FARSB: variants seen among roughly 807,000 people sequenced by gnomAD.
FARSB encodes the protein phenylalanine--tRNA ligase beta subunit.
FARSB carries 40 observed loss-of-function variants against 69.6 expected under a neutral mutation model. That is an observed-to-expected ratio of 0.57 (90% CI 0.45 to 0.75). The LOEUF is 0.75. Ranked by LOEUF, FARSB falls within the 30% of genes least tolerant of loss-of-function variation. The pLI, the probability that FARSB is intolerant of heterozygous loss-of-function variation, is 0.00. For missense variants in FARSB, 632 were observed against 722.9 expected (o/e 0.87, Z 1.44); for synonymous variants, 235 against 247.2 (o/e 0.95, Z 0.46).
Position 222,599,949 on chromosome 2 carries a change from AT to A in FARSB, c.1596del (p.Tyr533MetfsTer2). 6.2e-7 allele frequency: 1 copy of A among 1,601,598 alleles called. No individual in the cohort carries two copies. The highest frequency in any genetic ancestry group is 8.5e-7 in the Non-Finnish European group (1 of 1,177,062). On this transcript the variant is annotated frameshift_variant, in exon 16 of 17. Coordinates refer to ENST00000281828, the MANE Select transcript of FARSB (RefSeq NM_005687.5). LOFTEE classifies it high-confidence loss of function. ...LDVPPGEDKG[G>X]YVIKASEGPA... ...TTACCTTCTGATGCTTTGATCACAT[AT>A]CCCCCCTTGTCTTCACCAGGAGGCA...
chr2:222,629,842 G>T (rs759005204), intron 9 of FARSB, among the ~76,000 whole-genome samples: 6 of 152,136 alleles, frequency 3.9e-5, no homozygotes, highest in African/African-American at 7.2e-5. Flanking sequence ...CCAGACTCAA[G>T]CAATCCTCCT....
intron 16 of FARSB, among the ~76,000 whole-genome samples, chr2:222,589,508 C>T (rs1690207905): frequency 1.3e-5 from 2 of 150,424 alleles, no homozygotes; most frequent in South Asian, 4.1e-4. Flanking sequence ...CCAAAATAGA[C>T]AAATGGTATC....
At chr2:222,581,717 C>T (rs1044725874) in intron 16 of FARSB, among the ~76,000 whole-genome samples, 4 of 152,160 alleles carry the variant, frequency 2.6e-5, no homozygotes, top group African/African-American at 9.7e-5. Flanking sequence ...TTGACAGCCA[C>T]ACTACATAGA....
intron 2 of FARSB, among the ~76,000 whole-genome samples, chr2:222,647,552 T>G (rs2106243662): frequency 6.6e-6 from 1 of 152,300 alleles, no homozygotes; most frequent in East Asian, 1.9e-4. Context: ...TAGAACTTAT[T>G]AGCTGGGCTG....
Position 222,628,897 on chromosome 2 carries a change from A to C in FARSB, c.849-9T>G, listed in dbSNP as rs1487496063. ...CTTCAGCAGCTTCGACCCTGAAAAC[A>C]AAAGCCAGAAATAAAATACTTAAGA... On this transcript the variant is annotated splice_polypyrimidine_tract_variant and intron_variant, in intron 9 of 16. Transcript: ENST00000281828. The C allele has an allele frequency of 3.1e-6, 5 of 1,604,974 alleles. No homozygotes were observed. The highest frequency in any genetic ancestry group is 4.3e-6 in the Non-Finnish European group (5 of 1,173,540).
rs141597539 is a variant in FARSB, at chr2:222,653,339, C to T, written c.58+2677G>A. Among the ~76,000 whole-genome samples the T allele has an allele frequency of 8.0e-5, 12 of 150,832 alleles. No individual in the cohort carries two copies. In the East Asian group the frequency reaches 1.2e-3, roughly 15 times the overall value. ...AAACAATGGAATTTCAAATAGAAAG[C>T]AACCCTTGGAGGGACTAAAGAGAGA... On this transcript the variant is annotated intron_variant, in intron 1 of 16. Transcript: ENST00000281828.
chr2:222,579,780 T>C (rs1689922825), intron 16 of FARSB, among the ~76,000 whole-genome samples: 1 of 152,238 alleles, frequency 6.6e-6, no homozygotes, highest in Non-Finnish European at 1.5e-5. Context: ...AAACCCAGTC[T>C]GTAGCTCATC....
At chr2:222,634,348 A>T in intron 6 of FARSB, 43 bp downstream of exon 6, 2 of 1,412,396 alleles carry the variant, frequency 1.4e-6, no homozygotes, top group Middle Eastern at 1.9e-4. Context: ...ATGGAATTTC[A>T]TGATTTTTGC....
intron 15 of FARSB, among the ~76,000 whole-genome samples, chr2:222,607,974 C>A (rs1224909116): frequency 6.6e-6 from 1 of 150,994 alleles, no homozygotes; most frequent in Non-Finnish European, 1.5e-5. Flanking sequence ...AAAAAAAAAA[C>A]ACAATATTCA....
At chr2:222,649,461 A>G (rs1023511900) in intron 1 of FARSB, among the ~76,000 whole-genome samples, 12 of 152,226 alleles carry the variant, frequency 7.9e-5, no homozygotes, top group Admixed American at 4.6e-4. Flanking sequence ...AGAATGTCAC[A>G]TAAGTCCTAT....
At chr2:222,589,991 T>A (rs1486836315) in intron 16 of FARSB, among the ~76,000 whole-genome samples, 5 of 152,186 alleles carry the variant, frequency 3.3e-5, no homozygotes, top group Non-Finnish European at 2.9e-5. Context: ...GAAATACCAT[T>A]TGACCCAGCA....
intron 2 of FARSB, among the ~76,000 whole-genome samples, chr2:222,647,505 T>C (rs536975458): frequency 4.6e-5 from 7 of 152,340 alleles, no homozygotes; most frequent in African/African-American, 7.2e-5. Context: ...CTCAGCTCCT[T>C]AGCTTCAGAC....
chr2:222,578,621 G>A (rs1373072144), intron 16 of FARSB, among the ~76,000 whole-genome samples: 1 of 152,030 alleles, frequency 6.6e-6, no homozygotes, highest in East Asian at 1.9e-4. Flanking sequence ...GGAAGATCAC[G>A]AGGTCAGGAG....
At chr2:222,635,575 T>C (rs1375748451) in intron 5 of FARSB, among the ~76,000 whole-genome samples, 1 of 152,324 alleles carries the variant, frequency 6.6e-6, no homozygotes, top group East Asian at 1.9e-4. Flanking sequence ...AATTAATAAT[T>C]GACAAATGCA....
At chr2:222,623,514 T>C in intron 13 of FARSB, 136 bp downstream of exon 13, 1 of 699,624 alleles carries the variant, frequency 1.4e-6, no homozygotes, top group Non-Finnish European at 2.6e-6. Context: ...TAATCTCAAG[T>C]AACAAAGTTA....
At chr2:222,587,101 T>G (rs1229463265) in intron 16 of FARSB, among the ~76,000 whole-genome samples, 1 of 152,194 alleles carries the variant, frequency 6.6e-6, no homozygotes, top group African/African-American at 2.4e-5. Context: ...GACCACATAG[T>G]TGGAAGTAAA....
In FARSB at chr2:222,623,713, G is replaced by T; in HGVS notation, c.1188C>A (p.Leu396=). Residue 396 remains leucine (L), a synonymous_variant, in exon 13 of 17, where the codon CTC becomes CTA. Transcript: ENST00000281828. ...CCATGTCATGTCGGAGAAGTTCAGT[G>T]AGCTTATTAAGAGGAAACTGAAAAA... ...TIANQFPLNK[L]TELLRHDMAA... 1 of 1,608,304 alleles carries T rather than the reference G, an allele frequency of 6.2e-7. No homozygotes were observed. The highest frequency in any genetic ancestry group is 1.1e-5 in the South Asian group (1 of 90,706).
chr2:222,589,467 A>C (rs1690206341), intron 16 of FARSB, among the ~76,000 whole-genome samples: 1 of 152,014 alleles, frequency 6.6e-6, no homozygotes, highest in Non-Finnish European at 1.5e-5. Flanking sequence ...GGACTTCATG[A>C]CTAAAACACC....
chr2:222,581,793 G>A (rs564808108), intron 16 of FARSB, among the ~76,000 whole-genome samples: 2 of 152,306 alleles, frequency 1.3e-5, no homozygotes, highest in East Asian at 3.9e-4. Flanking sequence ...GTGGATCACA[G>A]AAAAGGAAAT....
Sources: gnomAD v4.1 joint callset for allele counts (sites outside exome capture counted in the v4.1 genomes callset) on GRCh38, gnomAD v4.1.1 for gene constraint, MANE v1.5 for transcripts, NCBI Gene and HGNC (gene_info 2026-07-23, HGNC 2026-07-21) for gene names.